Variants in CCSER1 observed in about 807,000 individuals in gnomAD.
The protein encoded by CCSER1 is coiled-coil serine rich protein 1.
A neutral mutation model predicts 82.0 loss-of-function variants in CCSER1; 41 were observed. The ratio of observed to expected loss-of-function variants is 0.50; its 90% CI spans 0.39 to 0.65. The LOEUF is 0.65. Among genes scored for constraint, CCSER1 ranks in the 30% least tolerant of loss-of-function variants. CCSER1 has a pLI of 0.00. For synonymous variants in CCSER1, 414 were observed against 383.9 expected (o/e 1.08, Z -0.92); for missense variants, 1,119 against 1,064.2 (o/e 1.05, Z -0.72).
chr4:90,359,827 GTATATATATGTGTA>G (rs959944189), intron 3 of CCSER1, among the ~76,000 whole-genome samples: 1 of 149,824 alleles, frequency 6.7e-6, no homozygotes, highest in African/African-American at 2.5e-5. Context: ...ATAGATATGT[GTATATATATGTGTA>G]TATATATGTG....
intron 7 of CCSER1, among the ~76,000 whole-genome samples, chr4:90,766,680 A>G (rs1315869219): frequency 1.3e-5 from 2 of 152,136 alleles, no homozygotes; most frequent in Non-Finnish European, 2.9e-5. Flanking sequence ...CCTTGTCATT[A>G]TGTGATGCCA....
Position 91,177,156 on chromosome 4 carries a change from C to T in CCSER1, c.2217+91162C>T, listed in dbSNP as rs551927091. Among the ~76,000 whole-genome samples the T allele has an allele frequency of 1.4e-4, 21 of 152,182 alleles. No homozygotes were observed. The South Asian group carries it at 3.9e-3, about 29-fold the overall frequency. On this transcript the variant is annotated intron_variant, in intron 10 of 10. Coordinates refer to ENST00000509176, the MANE Select transcript of CCSER1 (RefSeq NM_001145065.2). ...GCATATGTTGAACCAGCCTTGCATC[C>T]CAGGGATGAAGCCAACTTGATCATG...
intron 10 of CCSER1, among the ~76,000 whole-genome samples, chr4:91,335,714 T>C (rs946912205): frequency 2.0e-5 from 3 of 151,094 alleles, no homozygotes; most frequent in African/African-American, 7.2e-5. Flanking sequence ...GTGAAGAAGA[T>C]ACAGCATTGG....
intron 10 of CCSER1, among the ~76,000 whole-genome samples, chr4:91,317,936 C>T (rs771292729): frequency 4.6e-5 from 7 of 151,912 alleles, no homozygotes; most frequent in Non-Finnish European, 1.0e-4. Flanking sequence ...TGCTTTGCTC[C>T]ATTTGGATTG....
chr4:91,531,354 G>T (rs1761019376), intron 10 of CCSER1, among the ~76,000 whole-genome samples: 2 of 152,174 alleles, frequency 1.3e-5, no homozygotes, highest in Admixed American at 1.3e-4. Flanking sequence ...GAATATAGTA[G>T]TTGAAGTTTT....
intron 10 of CCSER1, among the ~76,000 whole-genome samples, chr4:91,279,858 G>A (rs543183159): frequency 6.6e-6 from 1 of 152,194 alleles, no homozygotes; most frequent in East Asian, 1.9e-4. Context: ...CACACCTGGT[G>A]TACTAGTCAC....
In CCSER1 at chr4:90,947,591, A is replaced by T. The variant is rs949254157; in HGVS notation, c.2172+24144A>T. On this transcript the variant is annotated intron_variant, in intron 9 of 10. Coordinates refer to ENST00000509176, the MANE Select transcript of CCSER1 (RefSeq NM_001145065.2). ...AACTTGTTGATATTACCACAGTCCT[A>T]TTCCAGCTTATTTTAACTATTAAAA... is the stretch of plus-strand genomic sequence containing the variant. Among the ~76,000 whole-genome samples, 13 of 152,298 alleles carry T rather than the reference A, an allele frequency of 8.5e-5. No homozygotes were observed. The East Asian group carries it at 2.3e-3, about 27-fold the overall frequency.
rs114133775 is a variant in CCSER1 at position 90,513,957 on chromosome 4, T to C, written c.1724+45603T>C. Reference sequence around the variant, plus strand: ...GAAGAAAATCTATGCTGCCTACAAGTGCAAGGAGAATAGGGGGATCGGAGA... The same window carrying C: ...GAAGAAAATCTATGCTGCCTACAAGCGCAAGGAGAATAGGGGGATCGGAGA... On this transcript the variant is annotated intron_variant, in intron 5 of 10. Transcript: ENST00000509176. 7.6e-3 allele frequency among the ~76,000 whole-genome samples: 1,150 copies of C among 152,058 alleles called. 6 individuals carry two copies. The highest frequency in any genetic ancestry group is 0.019 in the African/African-American group (780 of 41,478).
At chr4:91,406,646 G>A (rs1390527528) in intron 10 of CCSER1, among the ~76,000 whole-genome samples, 2 of 152,142 alleles carry the variant, frequency 1.3e-5, no homozygotes, top group African/African-American at 2.4e-5. Context: ...TAATATAGCT[G>A]ACAATGTATT....
chr4:90,553,769 A>G (rs1048676385), intron 5 of CCSER1, among the ~76,000 whole-genome samples: 6 of 152,234 alleles, frequency 3.9e-5, no homozygotes, highest in African/African-American at 1.4e-4. Flanking sequence ...GTTATTGTAC[A>G]GTGCAGAGTT....
At chr4:90,155,045 A>T (rs1003792535) in intron 1 of CCSER1, among the ~76,000 whole-genome samples, 1 of 152,188 alleles carries the variant, frequency 6.6e-6, no homozygotes, top group Admixed American at 6.5e-5. Flanking sequence ...TTATTTTGAG[A>T]TACATCCCAT....
At chr4:91,085,851 A>T (rs2148816422) in intron 9 of CCSER1, 99 bp from the exon 10 acceptor site, 3 of 732,142 alleles carry the variant, frequency 4.1e-6, no homozygotes, top group East Asian at 5.4e-5. Context: ...TGTTACGAAT[A>T]AGTGAATTAT....
intron 5 of CCSER1, among the ~76,000 whole-genome samples, chr4:90,571,296 A>G (rs1047792093): frequency 6.6e-6 from 1 of 152,212 alleles, no homozygotes; most frequent in African/African-American, 2.4e-5. Flanking sequence ...TTATTGCAAC[A>G]CTATTCACAA....
chr4:91,425,966 G>T (rs559105505), intron 10 of CCSER1, among the ~76,000 whole-genome samples: 3 of 152,106 alleles, frequency 2.0e-5, no homozygotes, highest in Non-Finnish European at 4.4e-5. Context: ...GTATACACGT[G>T]CCATGGTGGT....
intron 1 of CCSER1, among the ~76,000 whole-genome samples, chr4:90,200,636 G>T (rs943223143): frequency 2.0e-5 from 3 of 151,956 alleles, no homozygotes; most frequent in Admixed American, 6.6e-5. Flanking sequence ...AAAAATAGAT[G>T]AGTGTATTAA....
At chr4:90,239,362 A>G (rs1015738524) in intron 1 of CCSER1, among the ~76,000 whole-genome samples, 3 of 152,226 alleles carry the variant, frequency 2.0e-5, no homozygotes, top group Non-Finnish European at 2.9e-5. Flanking sequence ...TCTTTGACAT[A>G]GAAAGATCAG....
chr4:90,775,141 A>G (rs925736320), intron 7 of CCSER1, among the ~76,000 whole-genome samples: 21 of 152,262 alleles, frequency 1.4e-4, no homozygotes, highest in African/African-American at 4.3e-4. Flanking sequence ...AAAGATTACA[A>G]TTGAATTAAC....
chr4:91,574,212 T>G, intron 10 of CCSER1, among the ~76,000 whole-genome samples: 1 of 151,466 alleles, frequency 6.6e-6, no homozygotes, highest in Admixed American at 6.6e-5. Flanking sequence ...TTGAGGAAAT[T>G]ACTATTATTA....
intron 5 of CCSER1, among the ~76,000 whole-genome samples, chr4:90,490,850 C>T (rs1030218046): frequency 2.6e-5 from 4 of 152,138 alleles, no homozygotes; most frequent in Admixed American, 1.3e-4. Flanking sequence ...GGTATTATTT[C>T]TGAGGCCTCT....
Sources: allele counts gnomAD v4.1 joint callset (sites outside exome capture counted in the v4.1 genomes callset), GRCh38; gene constraint gnomAD v4.1.1; transcripts MANE v1.5; gene names NCBI Gene and HGNC (gene_info 2026-07-23, HGNC 2026-07-21).